Variants in GRM8 observed in about 807,000 individuals in gnomAD.
GRM8 encodes the protein glutamate metabotropic receptor 8, also known as metabotropic glutamate receptor 8.
GRM8 carries 47 observed loss-of-function variants against 87.2 expected under a neutral mutation model. The ratio of observed to expected loss-of-function variants is 0.54; its 90% CI spans 0.43 to 0.69. The LOEUF (loss-of-function observed/expected upper bound fraction) is 0.69. GRM8 is among the 30% of genes least tolerant of loss of function. The probability of loss-of-function intolerance (pLI) is 0.00; values close to 1 mark genes in which losing one functional copy is unlikely to be tolerated. For synonymous variants in GRM8, 396 were observed against 404.5 expected (o/e 0.98, Z 0.25); for missense variants, 1,019 against 1,139.2 (o/e 0.89, Z 1.52).
intron 3 of GRM8, among the ~76,000 whole-genome samples, chr7:127,070,414 T>G (rs1438164798): frequency 6.6e-6 from 1 of 152,086 alleles, no homozygotes; most frequent in Non-Finnish European, 1.5e-5. Context: ...AACACAGGCA[T>G]CAAATGGAAG....
intron 2 of GRM8, among the ~76,000 whole-genome samples, chr7:127,189,161 A>G (rs1194296495): frequency 1.3e-5 from 2 of 152,208 alleles, no homozygotes; most frequent in African/African-American, 4.8e-5. Context: ...GAAGACCTGC[A>G]GACCTAAGCA....
intron 6 of GRM8, among the ~76,000 whole-genome samples, chr7:126,841,405 C>A (rs1796258617): frequency 1.3e-5 from 2 of 151,796 alleles, no homozygotes; most frequent in Non-Finnish European, 2.9e-5. Context: ...TATGCTAGCC[C>A]CTCTGATATG....
intron 8 of GRM8, among the ~76,000 whole-genome samples, chr7:126,557,095 G>A (rs1010770696): frequency 6.6e-6 from 1 of 152,142 alleles, no homozygotes; most frequent in East Asian, 1.9e-4. Context: ...CTAAAGAAGG[G>A]ATCAGGGATA....
In GRM8 at chr7:126,770,058, C is replaced by T. The variant is rs1204642010; in HGVS notation, c.1164G>A (p.Glu388=). 1.9e-6 allele frequency: 3 copies of T among 1,610,328 alleles called. No homozygotes were observed. Among genetic ancestry groups the T allele is most frequent in the Admixed American group, 3.3e-5 (2 of 59,746 alleles). The change falls in exon 7 of 11, where the codon GAG becomes GAA. Residue 388 remains glutamate, a synonymous_variant. Coordinates refer to ENST00000339582, the MANE Select transcript of GRM8 (RefSeq NM_000845.3). The part of the protein sequence containing the change: ...NSHIKKCTGL[E]RIARDSSYEQ... ...CATAAGATGAATCCCGAGCAATTCG[C>T]TCCAGCCCTGCAAAATAAAAAAGTA...
chr7:126,645,948 G>A (rs2151221141), intron 7 of GRM8, among the ~76,000 whole-genome samples: 1 of 152,106 alleles, frequency 6.6e-6, no homozygotes, highest in African/African-American at 2.4e-5. Context: ...ATACACCATA[G>A]CCCCTACTTT....
At chr7:126,455,769 G>A (rs1382301190) in intron 9 of GRM8, among the ~76,000 whole-genome samples, 1 of 151,628 alleles carries the variant, frequency 6.6e-6, no homozygotes, top group Admixed American at 6.6e-5. Flanking sequence ...TGCTGCATAG[G>A]CACCATTCCA....
intron 7 of GRM8, among the ~76,000 whole-genome samples, chr7:126,689,584 G>A (rs899224441): frequency 2.6e-5 from 4 of 152,116 alleles, no homozygotes; most frequent in African/African-American, 7.2e-5. Context: ...TAGAGTGTAT[G>A]TGTGTCAGGG....
intron 2 of GRM8, among the ~76,000 whole-genome samples, chr7:127,138,059 T>C (rs1828039890): frequency 6.6e-6 from 1 of 152,058 alleles, no homozygotes; most frequent in Non-Finnish European, 1.5e-5. Context: ...AAACTGGTTC[T>C]CCAATCCCAA....
chr7:126,592,001 G>GA (rs1004424559), intron 8 of GRM8, among the ~76,000 whole-genome samples: 5 of 151,366 alleles, frequency 3.3e-5, no homozygotes, highest in African/African-American at 7.3e-5. Context: ...GAAAAACTCA[G>GA]AAAAAAATGG....
intron 3 of GRM8, among the ~76,000 whole-genome samples, chr7:126,916,837 A>G (rs1035520863): frequency 1.3e-5 from 2 of 152,210 alleles, no homozygotes; most frequent in South Asian, 2.1e-4. Flanking sequence ...GAGAACAAAC[A>G]TCAGCACCCA....
chr7:126,554,959 A>G (rs997598868), intron 8 of GRM8, among the ~76,000 whole-genome samples: 1 of 152,196 alleles, frequency 6.6e-6, no homozygotes, highest in African/African-American at 2.4e-5. Flanking sequence ...TGAGATTCCA[A>G]TTTGTGGCAC....
At chr7:126,859,971 G>A (rs1315112690) in intron 6 of GRM8, among the ~76,000 whole-genome samples, 2 of 149,876 alleles carry the variant, frequency 1.3e-5, no homozygotes, top group Non-Finnish European at 3.0e-5. Context: ...TGCAAGTTCT[G>A]AGGAATTTAT....
intron 6 of GRM8, among the ~76,000 whole-genome samples, chr7:126,873,879 T>C (rs932723448): frequency 1.3e-5 from 2 of 152,132 alleles, no homozygotes; most frequent in African/African-American, 4.8e-5. Context: ...CAGAATTATG[T>C]GGACATTCAA....
chr7:127,071,663 A>G (rs993477160), intron 3 of GRM8, among the ~76,000 whole-genome samples: 1 of 152,220 alleles, frequency 6.6e-6, no homozygotes, highest in African/African-American at 2.4e-5. Context: ...TGTAGAGGTC[A>G]GTTCATAGAT....
chr7:127,229,915 CAA>C (rs1482411215), intron 2 of GRM8: 1 of 152,148 alleles, frequency 6.6e-6, no homozygotes, highest in Admixed American at 6.5e-5. Context: ...AATTCATTGA[CAA>C]TGCATTTAAT....
intron 2 of GRM8, among the ~76,000 whole-genome samples, chr7:127,114,272 T>A (rs1275862573): frequency 6.6e-6 from 1 of 152,116 alleles, no homozygotes; most frequent in South Asian, 2.1e-4. Context: ...TGATGCACAA[T>A]GGAGTTTAAC....
chr7:126,985,077 C>T (rs1811917328), intron 3 of GRM8, among the ~76,000 whole-genome samples: 1 of 152,046 alleles, frequency 6.6e-6, no homozygotes, highest in African/African-American at 2.4e-5. Flanking sequence ...TTTTAGAGAT[C>T]ATTTACTGAG....
chr7:127,037,734 A>G (rs936626350), intron 3 of GRM8, among the ~76,000 whole-genome samples: 1 of 152,150 alleles, frequency 6.6e-6, no homozygotes, highest in African/African-American at 2.4e-5. Flanking sequence ...CACAAACAAT[A>G]GCGGAGATAT....
intron 3 of GRM8, among the ~76,000 whole-genome samples, chr7:126,993,975 G>A (rs559981933): frequency 6.6e-6 from 1 of 152,254 alleles, no homozygotes; most frequent in South Asian, 2.1e-4. Context: ...GTGGATTGGG[G>A]TGGCACATGG....
Sources: gnomAD v4.1 joint callset for allele counts (sites outside exome capture counted in the v4.1 genomes callset) on GRCh38, gnomAD v4.1.1 for gene constraint, MANE v1.5 for transcripts, NCBI Gene and HGNC (gene_info 2026-07-23, HGNC 2026-07-21) for gene names.